Variants in MORN3 observed in about 807,000 individuals in gnomAD.
The protein encoded by MORN3 is MORN repeat-containing protein 3.
A neutral mutation model predicts 34.7 loss-of-function variants in MORN3; 38 were observed. The ratio of observed to expected loss-of-function variants is 1.10; its 90% CI spans 0.85 to 1.44. MORN3 has a LOEUF of 1.44. Among genes scored for constraint, MORN3 ranks in the 40% most tolerant of loss-of-function variants. The pLI, the probability that MORN3 is intolerant of heterozygous loss-of-function variation, is 0.00. For synonymous variants in MORN3, 109 were observed against 115.3 expected (o/e 0.95, Z 0.35); for missense variants, 311 against 321.7 (o/e 0.97, Z 0.25).
chr12:121,652,947 A>C, intron 4 of MORN3, 128 bp downstream of exon 4: 1 of 1,440,848 alleles, frequency 6.9e-7, no homozygotes. Flanking sequence ...CCTGACTGAA[A>C]ACAAAACCTT....
chr12:121,669,983 C>T (rs376953233), upstream of MORN3, among the ~76,000 whole-genome samples: 15 of 151,778 alleles, frequency 9.9e-5, no homozygotes, highest in East Asian at 1.7e-3. Flanking sequence ...AAGTGATTCT[C>T]GTGCCTCAGC....
intron 1 of MORN3, 31 bp downstream of exon 1, chr12:121,669,308 C>G: frequency 6.2e-7 from 1 of 1,610,288 alleles, no homozygotes; most frequent in East Asian, 2.2e-5. Context: ...TCTGACCCCA[C>G]TCCGGCCGCC....
At chr12:121,667,247 C>T (rs371512821) in intron 1 of MORN3, among the ~76,000 whole-genome samples, 8 of 151,392 alleles carry the variant, frequency 5.3e-5, no homozygotes, top group African/African-American at 1.9e-4. Context: ...CAGGCATAAG[C>T]GACCGCGCCA....
intron 1 of MORN3, among the ~76,000 whole-genome samples, chr12:121,665,310 A>G (rs1186884277): frequency 7.2e-5 from 1 of 13,980 alleles, no homozygotes; most frequent in African/African-American, 1.7e-4. Context: ...TTTTTTTTTG[A>G]GACGGTGTCT....
At chr12:121,660,355 C>CTTTTTTTTTTTT (rs200327265) in intron 1 of MORN3, among the ~76,000 whole-genome samples, 2 of 128,772 alleles carry the variant, frequency 1.6e-5, no homozygotes, top group Admixed American at 8.0e-5. Context: ...TTCTTTCTTT[C>CTTTTTTTTTTTT]TTTTTTTTTT....
At position 121,650,527 on chromosome 12, in the gene MORN3, A is replaced by AAG. The variant is rs1893228804; in HGVS notation, c.*1123_*1124insCT. ...GTGACAGAGCAAGACTCTGTCTCAA[A>AAG]AAAAAAAAAAAAAAAAAAAAAAAGG... On this transcript the variant is annotated 3_prime_UTR_variant, in exon 6 of 6. Transcript: ENST00000355329. 1 of 138,580 alleles carries AAG rather than the reference A, an allele frequency of 7.2e-6. No individual in the cohort carries two copies. 8.6% of individuals were successfully genotyped at this position (138,580 alleles called of 1,614,324 possible).
intron 1 of MORN3, among the ~76,000 whole-genome samples, chr12:121,667,123 G>A (rs548679933): frequency 1.3e-5 from 2 of 151,718 alleles, no homozygotes; most frequent in Admixed American, 6.6e-5. Context: ...ATCATGTCTG[G>A]TCTAATTTTT....
intron 3 of MORN3, 114 bp downstream of exon 3, chr12:121,654,160 G>C (rs1555325427): frequency 1.2e-6 from 1 of 821,180 alleles, no homozygotes; most frequent in African/African-American, 1.7e-5. Context: ...ACAAGGGTCA[G>C]TGTGGGACAA....
intron 1 of MORN3, among the ~76,000 whole-genome samples, chr12:121,660,896 C>T (rs766596596): frequency 6.6e-6 from 1 of 151,610 alleles, no homozygotes; most frequent in Non-Finnish European, 1.5e-5. Context: ...CTCGAACTCC[C>T]GACCTTAGGT....
chr12:121,652,796 C>T lies in MORN3; in HGVS notation c.661G>A (p.Asp221Asn). The change falls in exon 5 of 6, where the codon GAC becomes AAC. Residue 221 changes from aspartate (D) to asparagine (N), a missense_variant. By Grantham distance (23) the Asp-to-Asn change is conservative (BLOSUM62 1). Transcript: ENST00000355329. Reference sequence around the variant, plus strand: ...GCCTCCGCCAGCACACCATCAGGGTCTAGGATTTTGACCTGGAGGGAAATA... The same window carrying T: ...GCCTCCGCCAGCACACCATCAGGGTTTAGGATTTTGACCTGGAGGGAAATA... ...QFPIPEVKILDPDGVLAEALA... is the reference protein window; with the variant it reads ...QFPIPEVKILNPDGVLAEALA... 6.2e-7 allele frequency: 1 copy of T among 1,614,236 alleles called. No homozygotes were observed. The highest frequency in any genetic ancestry group is 8.5e-7 in the Non-Finnish European group (1 of 1,180,038).
chr12:121,653,330 C>A, intron 3 of MORN3, 71 bp from the exon 4 acceptor site: 1 of 1,503,452 alleles, frequency 6.7e-7, no homozygotes, highest in Non-Finnish European at 8.9e-7. Flanking sequence ...GGTCGCTCTT[C>A]CAGAGCTCAG....
At chr12:121,669,718 A>G, upstream of MORN3, 1 of 420,252 alleles carries the variant, frequency 2.4e-6, no homozygotes, top group Non-Finnish European at 4.4e-6. Flanking sequence ...TGATGGCACA[A>G]TTACTTGGGA....
intron 3 of MORN3, 148 bp downstream of exon 3, chr12:121,654,126 C>T (rs1893331640): frequency 3.2e-6 from 2 of 619,888 alleles, no homozygotes; most frequent in Admixed American, 7.0e-5. Context: ...ATAGGGTGCT[C>T]TTCCTCTCTT....
chr12:121,669,709 G>A, upstream of MORN3: 1 of 455,520 alleles, frequency 2.2e-6, no homozygotes, highest in Non-Finnish European at 4.0e-6. Flanking sequence ...CAGGGGGTCT[G>A]ATGGCACAAT....
At position 121,659,459 on chromosome 12, in the gene MORN3, C is replaced by G. The variant is rs567171356; in HGVS notation, c.146-111G>C. 5.2e-5 allele frequency: 56 copies of G among 1,079,484 alleles called. No homozygotes were observed. In the East Asian group the frequency reaches 9.9e-4, roughly 19 times the overall value. 66.9% of individuals were successfully genotyped at this position (1,079,484 alleles called of 1,614,324 possible). A position where few individuals can be genotyped will look rare whatever the true frequency, so the allele number is the denominator to read the frequency against. On this transcript the variant is annotated intron_variant, in intron 1 of 5. Coordinates refer to ENST00000355329, the MANE Select transcript of MORN3 (RefSeq NM_173855.5). ...ACTAGACGAATCTAGAGAGCTGGGA[C>G]AGGCTCTGCGCATCATCCTAGACAC...
intron 1 of MORN3, among the ~76,000 whole-genome samples, chr12:121,661,931 G>A (rs1893597696): frequency 6.6e-6 from 1 of 151,266 alleles, no homozygotes; most frequent in African/African-American, 2.4e-5. Context: ...AAGGAAGGAA[G>A]GGAAGAAAGA....
intron 1 of MORN3, among the ~76,000 whole-genome samples, chr12:121,662,526 C>T (rs1893613183): frequency 6.6e-6 from 1 of 151,998 alleles, no homozygotes; most frequent in South Asian, 2.1e-4. Flanking sequence ...GAGGCCGAGG[C>T]AGGCGGATGA....
upstream of MORN3, among the ~76,000 whole-genome samples, chr12:121,670,656 A>G (rs1893932865): frequency 6.6e-6 from 1 of 151,360 alleles, no homozygotes; most frequent in African/African-American, 2.4e-5. Context: ...TAAAAATACA[A>G]AAATTAGCCA....
chr12:121,667,939 G>A (rs1172058668), intron 1 of MORN3, among the ~76,000 whole-genome samples: 3 of 151,274 alleles, frequency 2.0e-5, no homozygotes, highest in Non-Finnish European at 1.5e-5. Flanking sequence ...TAGCCAGGAT[G>A]GTCTCAATCT....
Sources: gnomAD v4.1 joint callset for allele counts (sites outside exome capture counted in the v4.1 genomes callset) on GRCh38, gnomAD v4.1.1 for gene constraint, MANE v1.5 for transcripts, NCBI Gene and HGNC (gene_info 2026-07-23, HGNC 2026-07-21) for gene names.